PAPPA: variants seen among roughly 807,000 people sequenced by gnomAD.
PAPPA encodes the protein pappalysin-1.
Under a neutral mutation model 164.0 loss-of-function variants are expected in PAPPA, and 60 were observed. The ratio of observed to expected loss-of-function variants is 0.37; its 90% CI spans 0.30 to 0.45. PAPPA has a LOEUF of 0.45. Ranked by LOEUF, PAPPA falls within the 20% of genes least tolerant of loss-of-function variation. The pLI is 1.00. For missense variants in PAPPA, 1,782 were observed against 2,087.3 expected (o/e 0.85, Z 2.85); for synonymous variants, 875 against 814.1 (o/e 1.07, Z -1.27).
chr9:116,244,781 A>C (rs1001853357), intron 7 of PAPPA, among the ~76,000 whole-genome samples: 1 of 152,188 alleles, frequency 6.6e-6, no homozygotes, highest in South Asian at 2.1e-4. Flanking sequence ...CTACAAATAG[A>C]ACTACTGTTT....
chr9:116,329,172 G>A (rs1383591935), intron 10 of PAPPA, among the ~76,000 whole-genome samples: 1 of 152,138 alleles, frequency 6.6e-6, no homozygotes, highest in Non-Finnish European at 1.5e-5. Flanking sequence ...ATATAGCATA[G>A]AATATAGATG....
intron 6 of PAPPA, among the ~76,000 whole-genome samples, chr9:116,228,201 A>G (rs776213172): frequency 9.2e-5 from 14 of 152,202 alleles, no homozygotes; most frequent in Non-Finnish European, 1.8e-4. Context: ...TAAGAGAAGA[A>G]TACCTTTTGC....
chr9:116,184,345 T>C (rs1843944413), intron 1 of PAPPA, among the ~76,000 whole-genome samples: 1 of 152,210 alleles, frequency 6.6e-6, no homozygotes, highest in Non-Finnish European at 1.5e-5. Flanking sequence ...GATCTATGAT[T>C]TCTAAGAAGG....
Position 116,154,078 on chromosome 9 carries a change from A to C in PAPPA, c.-95A>C. ...AAGGGGGGCTCGCCCAAGAAGGGTG[A>C]AGAAGCGAAGAAAGTCGAGGCGCCG... is the stretch of plus-strand genomic sequence containing the variant. On this transcript the variant is annotated 5_prime_UTR_variant, in exon 1 of 22. Transcript: ENST00000328252. This position sits in a 1 kb window ranked among gnomAD's most constrained non-coding sequence, Gnocchi z 5.2. 8.5e-7 allele frequency: 1 copy of C among 1,170,988 alleles called. No individual in the cohort carries two copies. Among genetic ancestry groups the C allele is most frequent in the Non-Finnish European group, 1.1e-6 (1 of 938,258 alleles). The allele number at this position is 1,170,988 out of a possible 1,614,324, so 72.5% of individuals were successfully genotyped here. A position where few individuals can be genotyped will look rare whatever the true frequency, so the allele number is the denominator to read the frequency against.
intron 13 of PAPPA, among the ~76,000 whole-genome samples, chr9:116,341,020 T>C (rs936758774): frequency 6.6e-6 from 1 of 151,520 alleles, no homozygotes; most frequent in Non-Finnish European, 1.5e-5. Context: ...TTTTTATTTT[T>C]ATTTTTTTGT....
chr9:116,341,971 C>G (rs564044415), intron 13 of PAPPA, among the ~76,000 whole-genome samples: 2 of 152,218 alleles, frequency 1.3e-5, no homozygotes, highest in Non-Finnish European at 2.9e-5. Flanking sequence ...GAAAACGAAG[C>G]ATTTCAGATC....
intron 1 of PAPPA, among the ~76,000 whole-genome samples, chr9:116,155,254 G>C (rs1043702682): frequency 2.0e-5 from 3 of 152,164 alleles, no homozygotes; most frequent in Non-Finnish European, 4.4e-5. Context: ...ACGCGGCTGC[G>C]AAACGGGGCG....
At chr9:116,257,428 C>T (rs1160952815) in intron 7 of PAPPA, among the ~76,000 whole-genome samples, 3 of 151,962 alleles carry the variant, frequency 2.0e-5, no homozygotes, top group South Asian at 2.1e-4. Flanking sequence ...AGGCTGGGCA[C>T]GGTGGCTCAA....
intron 7 of PAPPA, among the ~76,000 whole-genome samples, chr9:116,243,930 G>A (rs899679620): frequency 6.6e-6 from 1 of 152,062 alleles, no homozygotes; most frequent in African/African-American, 2.4e-5. Context: ...GAGATGAGCA[G>A]CATCAGTATA....
At chr9:116,163,271 A>G (rs1843688792) in intron 1 of PAPPA, among the ~76,000 whole-genome samples, 1 of 152,192 alleles carries the variant, frequency 6.6e-6, no homozygotes, top group African/African-American at 2.4e-5. Context: ...AAGGAAGTCT[A>G]GGAATGCTGT....
At chr9:116,356,541 T>TA (rs1846356380) in intron 17 of PAPPA, among the ~76,000 whole-genome samples, 1 of 152,228 alleles carries the variant, frequency 6.6e-6, no homozygotes, top group Non-Finnish European at 1.5e-5. Flanking sequence ...TGGCTAGCTC[T>TA]AAAAACTGAG....
chr9:116,164,698 G>C (rs142884911), intron 1 of PAPPA, among the ~76,000 whole-genome samples: 83 of 152,280 alleles, frequency 5.5e-4, no homozygotes, highest in African/African-American at 1.7e-3. Flanking sequence ...AATCTGAAAG[G>C]TGGCTCGGCA....
rs373036791 is a variant in PAPPA, at chr9:116,265,397, G to A, written c.2733-460G>A. ...CAGCATCAGAAAAGGGTTTGCTCAC[G>A]TGTAATGGAGTTTCTGCTCAGGTCT... On this transcript the variant is annotated intron_variant, in intron 7 of 21. Coordinates refer to ENST00000328252, the MANE Select transcript of PAPPA (RefSeq NM_002581.5). 2.2e-3 allele frequency among the ~76,000 whole-genome samples: 328 copies of A among 152,290 alleles called. 2 individuals are homozygous for A. In the South Asian group the frequency reaches 0.041, roughly 19 times the overall value.
Position 116,188,007 on chromosome 9 carries a change from C to A in PAPPA, c.1269C>A (p.Asn423Lys). The A allele has an allele frequency of 6.2e-7, 1 of 1,614,194 alleles. No individual in the cohort carries two copies. The highest frequency in any genetic ancestry group is 1.1e-5 in the South Asian group (1 of 91,086). Residue 423 changes from asparagine (N) to lysine (K), a missense_variant, in exon 2 of 22, where the codon AAC becomes AAA. Asn to Lys is a moderately conservative substitution (Grantham distance 94). Coordinates refer to ENST00000328252, the MANE Select transcript of PAPPA (RefSeq NM_002581.5). The part of the protein sequence containing the change: ...NCDISKIGDE[N>K]CDPECNHTLT... Reference sequence around the variant, plus strand: ...ACATCAGCAAGATTGGGGATGAGAACTGTGACCCCGAGTGCAACCACACGC... The same window carrying A: ...ACATCAGCAAGATTGGGGATGAGAAATGTGACCCCGAGTGCAACCACACGC...
chr9:116,157,637 G>A (rs1843619407), intron 1 of PAPPA, among the ~76,000 whole-genome samples: 1 of 151,942 alleles, frequency 6.6e-6, no homozygotes, highest in Non-Finnish European at 1.5e-5. Context: ...GCTCCTCAGC[G>A]GCAGGAACTA....
At chr9:116,234,293 C>A (rs190902099) in intron 6 of PAPPA, among the ~76,000 whole-genome samples, 1 of 152,148 alleles carries the variant, frequency 6.6e-6, no homozygotes, top group African/African-American at 2.4e-5. Context: ...GGAGAAGAAA[C>A]CCTCCTTCCT....
Position 116,353,747 on chromosome 9 carries a change from T to A in PAPPA, c.4301T>A (p.Phe1434Tyr). 3 of 1,614,112 alleles carry A rather than the reference T, an allele frequency of 1.9e-6. No homozygotes were observed. The East Asian group carries it at 6.7e-5, about 36-fold the overall frequency. ...GLYQCTNGFQ[F>Y]NSECRIKCED... ...TACCAGTGTACTAATGGCTTCCAGT[T>A]CAACAGTGAGTGTAGGATCAAGTGT... Residue 1434 changes from phenylalanine to tyrosine, a missense_variant, in exon 17 of 22, where the codon TTC becomes TAC. Transcript: ENST00000328252.
At chr9:116,306,161 T>C (rs967832373) in intron 10 of PAPPA, among the ~76,000 whole-genome samples, 7 of 152,332 alleles carry the variant, frequency 4.6e-5, no homozygotes, top group Admixed American at 3.3e-4. Flanking sequence ...ATGTGCCTAG[T>C]TCTGTGCTAG....
At chr9:116,287,145 G>A (rs1209082543) in intron 9 of PAPPA, 1 of 152,230 alleles carries the variant, frequency 6.6e-6, no homozygotes, top group East Asian at 1.9e-4. Flanking sequence ...TCTGTAAAAT[G>A]GGGATAATAA....
Sources: allele counts gnomAD v4.1 joint callset (sites outside exome capture counted in the v4.1 genomes callset), GRCh38; gene constraint gnomAD v4.1.1; non-coding constraint Gnocchi (gnomAD v3.1); transcripts MANE v1.5; gene names NCBI Gene and HGNC (gene_info 2026-07-23, HGNC 2026-07-21).